The following TRPM5 variants were observed in gnomAD, a reference collection of about 807,000 sequenced individuals.
The protein encoded by TRPM5 is transient receptor potential cation channel subfamily M member 5, also known as MLSN1 and TRP-related.
Under a neutral mutation model 124.9 loss-of-function variants are expected in TRPM5, and 121 were observed. The ratio of observed to expected loss-of-function variants is 0.97; its 90% CI spans 0.84 to 1.13. The LOEUF (loss-of-function observed/expected upper bound fraction) is 1.13, where lower values mean the gene tolerates loss of function less well. TRPM5 is among the 50% of genes most tolerant of loss of function. The pLI, the probability that TRPM5 is intolerant of heterozygous loss-of-function variation, is 0.00. For synonymous variants in TRPM5, 781 were observed against 700.5 expected (o/e 1.11, Z -1.81); for missense variants, 1,643 against 1,589.1 (o/e 1.03, Z -0.58).
At chr11:2,414,009 G>GGGGGCGGCCCCCCCCCCCCCC in intron 12 of TRPM5, 52 bp downstream of exon 17, 1 of 1,023,734 alleles carries the variant, frequency 9.8e-7, no homozygotes, top group Admixed American at 2.2e-5. Context: ...GGCCCAGCTC[G>GGGGGCGGCCCCCCCCCCCCCC]CCCGCCCACC....
chr11:2,434,872 T>C, the TRPM5 span, among the ~76,000 whole-genome samples: 4 of 152,120 alleles, frequency 2.6e-5, no homozygotes, highest in Non-Finnish European at 1.5e-5. Flanking sequence ...ATGACAGCCA[T>C]TGGGAAGCAC....
At chr11:2,435,589 A>ATCCC in the TRPM5 span, among the ~76,000 whole-genome samples, 1 of 147,382 alleles carries the variant, frequency 6.8e-6, no homozygotes, top group African/African-American at 2.6e-5. The surrounding 1 kb of genome is among the most constrained non-coding windows in gnomAD (Gnocchi z 4.1). Context: ...CTGTCCATCC[A>ATCCC]TCCATCCATC....
chr11:2,414,108 C>A, exon 12 of TRPM5: 1 of 1,566,332 alleles, frequency 6.4e-7, no homozygotes, highest in Non-Finnish European at 8.7e-7. Context: ...GCCTCGGTGG[C>A]CAGGTGCAGG....
At position 2,410,600 on chromosome 11, in the gene TRPM5, C is replaced by A. The variant is rs114337911; in HGVS notation, c.2782+752G>T. On this transcript the variant is annotated intron_variant, in intron 18 of 23. Transcript: ENST00000155858. ...GGGCCTGCACAGGTCCCTGCCCCAC[C>A]CCAGAGCTCCCCACCAACCCATCAC... 1,262 of 436,786 alleles carry A rather than the reference C, an allele frequency of 2.9e-3. 15 individuals are homozygous for A. The highest frequency in any genetic ancestry group is 0.023 in the African/African-American group (1,144 of 49,330). 27.1% of individuals were successfully genotyped at this position (436,786 alleles called of 1,614,324 possible).
At chr11:2,406,184 C>T (rs187734786) in intron 21 of TRPM5, 93 bp from the exon 27 acceptor site, 16 of 1,436,468 alleles carry the variant, frequency 1.1e-5, no homozygotes, top group South Asian at 5.8e-5. Flanking sequence ...CCTGTGTGCC[C>T]GAGTTTGGGG....
the TRPM5 span, among the ~76,000 whole-genome samples, chr11:2,440,725 C>T: frequency 1.5e-4 from 23 of 152,298 alleles, no homozygotes; most frequent in African/African-American, 5.1e-4. The surrounding 1 kb of genome is among the most constrained non-coding windows in gnomAD (Gnocchi z 5.2). Context: ...GGCACTCAGC[C>T]GGTGCTCTGC....
At chr11:2,418,479 C>T (rs1845720276) in intron 5 of TRPM5, 48 bp downstream of exon 10, 1 of 1,583,586 alleles carries the variant, frequency 6.3e-7, no homozygotes, top group South Asian at 1.1e-5. Context: ...CCCACCGCAC[C>T]CCTCCACAAG....
At chr11:2,414,009 G>GACCC in intron 12 of TRPM5, 52 bp downstream of exon 17, 4 of 1,023,734 alleles carry the variant, frequency 3.9e-6, no homozygotes, top group South Asian at 1.5e-5. Context: ...GGCCCAGCTC[G>GACCC]CCCGCCCACC....
chr11:2,414,952 G>C, exon 10 of TRPM5: 1 of 1,607,014 alleles, frequency 6.2e-7, no homozygotes, highest in Non-Finnish European at 8.5e-7. Flanking sequence ...TCTGCAGCAC[G>C]GCCCACAGGA....
intron 11 of TRPM5, among the ~76,000 whole-genome samples, chr11:2,414,444 T>C (rs1779510308): frequency 6.6e-6 from 1 of 152,198 alleles, no homozygotes; most frequent in Admixed American, 6.5e-5. Context: ...CCACGCTAAA[T>C]GTCCCTCGTC....
chr11:2,421,154 G>C (rs780630779), exon 3 of TRPM5: 1 of 1,542,156 alleles, frequency 6.5e-7, no homozygotes, highest in Non-Finnish European at 8.7e-7. Context: ...TGCCCGACAT[G>C]CCTGGCCAGG....
chr11:2,414,206 T>G (rs1370310655), exon 12 of TRPM5: 1 of 1,607,332 alleles, frequency 6.2e-7, no homozygotes, highest in African/African-American at 1.3e-5. Context: ...GGAGAAGAGG[T>G]CTGCCCCCGG....
At chr11:2,443,462 G>A in the TRPM5 span, among the ~76,000 whole-genome samples, 3 of 152,160 alleles carry the variant, frequency 2.0e-5, no homozygotes, top group African/African-American at 7.2e-5. This position sits in a 1 kb window ranked among gnomAD's most constrained non-coding sequence, Gnocchi z 5.0. Flanking sequence ...TTCCCAGGAA[G>A]GTACCCTCTC....
chr11:2,412,850 C>T lies in TRPM5; in HGVS notation c.2259G>A (p.Leu753=), dbSNP rs565843650. ...GGGGGGGCGGCCTGAAGTCCACCAGCAGGACGTAGGTGAACAGGAAGAGGA... is the reference window on the plus strand; with the variant it reads ...GGGGGGGCGGCCTGAAGTCCACCAGTAGGACGTAGGTGAACAGGAAGAGGA... The change falls in exon 15 of 24, where the codon CTG becomes CTA. Residue 753 remains leucine (L), a synonymous_variant. Transcript: ENST00000155858. 5.1e-5 allele frequency: 81 copies of T among 1,601,916 alleles called. No homozygotes were observed. The African/African-American group carries it at 9.7e-4, about 19-fold the overall frequency.
the TRPM5 span, among the ~76,000 whole-genome samples, chr11:2,430,495 TGG>T: frequency 1.4e-5 from 2 of 144,246 alleles, no homozygotes; most frequent in South Asian, 2.3e-4. Flanking sequence ...GTAATTACAG[TGG>T]TAGTGGTGAT....
intron 2 of TRPM5, 133 bp downstream of exon 7, chr11:2,422,008 G>A (rs187445313): frequency 6.3e-5 from 52 of 824,304 alleles, no homozygotes; most frequent in Admixed American, 1.4e-4. Flanking sequence ...TGCCTGTGCC[G>A]GGTGGGGGGA....
chr11:2,406,908 C>T (rs1589865184), intron 20 of TRPM5, 115 bp from the exon 26 acceptor site: 4 of 1,462,394 alleles, frequency 2.7e-6, no homozygotes, highest in East Asian at 2.3e-5. Flanking sequence ...GGGGCCCAGC[C>T]AGGGATGGAG....
At position 2,420,369 on chromosome 11, in the gene TRPM5, C is replaced by T. The variant is rs775757571; in HGVS notation, c.502G>A (p.Gly168Ser). Residue 168 changes from glycine to serine, a missense_variant, in exon 4 of 24, where the codon GGC (glycine) becomes AGC (serine). Gly to Ser is a moderately conservative substitution (Grantham distance 56). Coordinates refer to ENST00000155858, the Ensembl canonical transcript of TRPM5. ...AGTGAACAGAGGGGGCCCTGGCTGC[C>T]GCCGTCATCCTCAGGGTAGTGGACA... 73 of 1,612,692 alleles carry T rather than the reference C, an allele frequency of 4.5e-5. 2 individuals carry two copies. In the South Asian group the frequency reaches 5.2e-4, roughly 11 times the overall value.
At chr11:2,411,313 A>G (rs1351157702) in intron 18 of TRPM5, 39 bp downstream of exon 23, 5 of 1,511,146 alleles carry the variant, frequency 3.3e-6, no homozygotes, top group East Asian at 2.4e-5. Context: ...CAGGGCTCCA[A>G]TTTCTCCCTG....
Sources: allele counts gnomAD v4.1 joint callset (sites outside exome capture counted in the v4.1 genomes callset), GRCh38; gene constraint gnomAD v4.1.1; non-coding constraint Gnocchi (gnomAD v3.1); transcripts MANE v1.5; gene names NCBI Gene and HGNC (gene_info 2026-07-23, HGNC 2026-07-21).